RBFOX1: variants seen among roughly 807,000 people sequenced by gnomAD.
The protein encoded by RBFOX1 is RNA binding fox-1 homolog 1, also known as RNA binding protein fox-1 homolog 1.
Under a neutral mutation model 57.7 loss-of-function variants are expected in RBFOX1, and 8 were observed. The observed-to-expected ratio is 0.14, with a 90% CI of 0.08 to 0.25. The LOEUF (loss-of-function observed/expected upper bound fraction) is 0.25, where lower values mean the gene tolerates loss of function less well. Among genes scored for constraint, RBFOX1 ranks in the 10% least tolerant of loss-of-function variants. RBFOX1 has a pLI of 1.00. For missense variants in RBFOX1, 611 were observed against 548.5 expected, an observed-to-expected ratio of 1.11 and a Z score of -1.14; for synonymous variants, 326 against 222.4, an observed-to-expected ratio of 1.47 and a Z score of -4.15.
chr16:6,519,462 A>G (rs2096457885), intron 2 of RBFOX1, among the ~76,000 whole-genome samples: 1 of 152,114 alleles, frequency 6.6e-6, no homozygotes, highest in African/African-American at 2.4e-5. Context: ...GCACTTTGGG[A>G]GGCCAACTCA....
rs564886222 is a variant in RBFOX1 at position 6,916,821 on chromosome 16, C to G, written c.-15-135236C>G. On this transcript the variant is annotated intron_variant, in intron 3 of 15. Transcript: ENST00000550418. ...CAAACTTCGAAGTTTGAATTTGTAC[C>G]TTGATCTTGTTTTTTTATTTGTTTG... Among the ~76,000 whole-genome samples, 6 of 152,046 alleles carry G rather than the reference C, an allele frequency of 3.9e-5. 1 individual carries two copies. The East Asian group carries it at 7.7e-4, about 20-fold the overall frequency.
At chr16:6,731,447 G>A (rs920917972) in intron 3 of RBFOX1, among the ~76,000 whole-genome samples, 2 of 152,122 alleles carry the variant, frequency 1.3e-5, no homozygotes, top group Admixed American at 6.6e-5. Context: ...TTCATCCTGT[G>A]GGTTTGCCAT....
rs556322798 is a variant in RBFOX1, at chr16:6,800,920, G to C, written c.-16+146270G>C. Among the ~76,000 whole-genome samples, 306 of 152,206 alleles carry C rather than the reference G, an allele frequency of 2.0e-3. 2 individuals are homozygous for C. Among genetic ancestry groups the C allele is most frequent in the Non-Finnish European group, 3.5e-3 (241 of 68,014 alleles). On this transcript the variant is annotated intron_variant, in intron 3 of 15. Coordinates refer to ENST00000550418, the MANE Select transcript of RBFOX1 (RefSeq NM_018723.4). ...CAAGTGGAAATCTGGAAACTAGTTT[G>C]CTATCCGTCTTGCCCCTGTTTGAGT...
chr16:6,758,745 A>G (rs1432524585), intron 3 of RBFOX1, among the ~76,000 whole-genome samples: 3 of 152,196 alleles, frequency 2.0e-5, no homozygotes, highest in African/African-American at 7.2e-5. Flanking sequence ...TTGCCAAGGA[A>G]CCTGACTACA....
At chr16:5,262,407 A>G (rs913753468) in intron 1 of RBFOX1, among the ~76,000 whole-genome samples, 6 of 152,204 alleles carry the variant, frequency 3.9e-5, no homozygotes, top group African/African-American at 1.4e-4. Context: ...GACCTGAACA[A>G]AACAAAAAGG....
At position 5,405,358 on chromosome 16, in the gene RBFOX1, T is replaced by G. The variant is rs138123438; in HGVS notation, c.220-61858T>G. 2.8e-3 allele frequency among the ~76,000 whole-genome samples: 426 copies of G among 152,356 alleles called. 7 individuals are homozygous for G. Among genetic ancestry groups the G allele is most frequent in the African/African-American group, 9.7e-3 (403 of 41,582 alleles). On this transcript the variant is annotated intron_variant, in intron 1 of 2. Coordinates refer to the RBFOX1 transcript ENST00000585867. ...CTTTCTCATGCTGTTCTCATGATAG[T>G]AAGTCTCATGTGATCCGATGATTTT... is the stretch of plus-strand genomic sequence containing the variant.
chr16:6,321,808 G>A (rs1056683512), intron 2 of RBFOX1, among the ~76,000 whole-genome samples: 2 of 152,136 alleles, frequency 1.3e-5, no homozygotes, highest in African/African-American at 2.4e-5. Flanking sequence ...CTTTCTGATG[G>A]CTGGTTTTTA....
intron 1 of RBFOX1, among the ~76,000 whole-genome samples, chr16:5,242,408 G>T (rs1245046790): frequency 1.3e-5 from 2 of 152,182 alleles, no homozygotes; most frequent in African/African-American, 2.4e-5. Context: ...AGGGAATCTT[G>T]ATTTTCAAAC....
intron 4 of RBFOX1, among the ~76,000 whole-genome samples, chr16:7,319,705 C>T (rs1568191122): frequency 6.6e-6 from 1 of 152,148 alleles, no homozygotes. Flanking sequence ...CCTTACTTAG[C>T]AATTACATCA....
chr16:7,695,131 T>A (rs1043630731), intron 14 of RBFOX1, among the ~76,000 whole-genome samples: 1 of 152,176 alleles, frequency 6.6e-6, no homozygotes, highest in Non-Finnish European at 1.5e-5. Flanking sequence ...TTGCTATTGA[T>A]CACATTTCAG....
chr16:7,227,599 A>C (rs1417698256), intron 4 of RBFOX1, among the ~76,000 whole-genome samples: 5 of 152,176 alleles, frequency 3.3e-5, no homozygotes, highest in Non-Finnish European at 2.9e-5. Flanking sequence ...CCCGGATGCC[A>C]GCTGCACGCG....
intron 2 of RBFOX1, among the ~76,000 whole-genome samples, chr16:6,635,596 G>A (rs895946112): frequency 6.6e-6 from 1 of 152,138 alleles, no homozygotes; most frequent in Non-Finnish European, 1.5e-5. Context: ...GGAGCATAGG[G>A]TCTGGGAGGA....
intron 2 of RBFOX1, among the ~76,000 whole-genome samples, chr16:6,629,704 G>A (rs2098358834): frequency 6.6e-6 from 1 of 152,128 alleles, no homozygotes; most frequent in Admixed American, 6.5e-5. Flanking sequence ...TCAGCCATTT[G>A]ACATATAGGT....
At chr16:5,406,914 G>T (rs770578909) in intron 1 of RBFOX1, among the ~76,000 whole-genome samples, 6 of 152,128 alleles carry the variant, frequency 3.9e-5, no homozygotes, top group Non-Finnish European at 5.9e-5. Context: ...TGTGATGTGG[G>T]ATTCATCTTG....
intron 4 of RBFOX1, among the ~76,000 whole-genome samples, chr16:7,353,443 C>T (rs914795040): frequency 2.0e-5 from 3 of 152,132 alleles, no homozygotes; most frequent in Admixed American, 6.5e-5. Flanking sequence ...TATGACCCAG[C>T]AATTCTGCTC....
chr16:5,274,261 G>C (rs1261835962), intron 1 of RBFOX1, among the ~76,000 whole-genome samples: 2 of 152,204 alleles, frequency 1.3e-5, no homozygotes, highest in Non-Finnish European at 2.9e-5. Flanking sequence ...AGGTGGGGTT[G>C]CTTATGCCTG....
intron 1 of RBFOX1, among the ~76,000 whole-genome samples, chr16:5,420,978 C>T (rs2067307326): frequency 2.3e-5 from 3 of 129,258 alleles, no homozygotes; most frequent in African/African-American, 1.0e-4. Context: ...CCTCCTCCTT[C>T]TTCCCTTCCT....
intron 3 of RBFOX1, among the ~76,000 whole-genome samples, chr16:6,656,130 G>T (rs535424590): frequency 9.2e-5 from 14 of 152,230 alleles, no homozygotes; most frequent in African/African-American, 3.1e-4. Context: ...TGGACAGATG[G>T]AATTGCTGCT....
intron 2 of RBFOX1, among the ~76,000 whole-genome samples, chr16:6,477,112 A>G (rs1242661527): frequency 6.6e-6 from 1 of 152,206 alleles, no homozygotes; most frequent in African/African-American, 2.4e-5. Context: ...TGAAGTCTTG[A>G]ACCCTTCAAA....
Sources: allele counts gnomAD v4.1 joint callset (sites outside exome capture counted in the v4.1 genomes callset), GRCh38; gene constraint gnomAD v4.1.1; transcripts MANE v1.5; gene names NCBI Gene and HGNC (gene_info 2026-07-23, HGNC 2026-07-21).